HSF5: variants seen among roughly 807,000 people sequenced by gnomAD.
The protein encoded by HSF5 is heat shock factor protein 5.
Under a neutral mutation model 50.8 loss-of-function variants are expected in HSF5, and 5 were observed. That is an observed-to-expected ratio of 0.10 (90% CI 0.05 to 0.21). The LOEUF is 0.21. Ranked by LOEUF, HSF5 falls within the 10% of genes least tolerant of loss-of-function variation. The pLI, the probability that HSF5 is intolerant of heterozygous loss-of-function variation, is 1.00. For synonymous variants in HSF5, 307 were observed against 307.4 expected (o/e 1.00, Z 0.02); for missense variants, 564 against 762.6 (o/e 0.74, Z 3.07).
Position 58,428,387 on chromosome 17 carries a change from C to T in HSF5, c.1721-5957G>A, listed in dbSNP as rs191378844. On this transcript the variant is annotated intron_variant, in intron 5 of 5. Transcript: ENST00000323777. The stretch of plus-strand genomic sequence containing the variant: ...TCAAAACCACAATGAAGGCCAGGCG[C>T]GGTGGCTCACGTCTGTAATCCCAAC... Among the ~76,000 whole-genome samples the T allele has an allele frequency of 5.3e-5, 8 of 152,198 alleles. 1 individual carries two copies. In the East Asian group the frequency reaches 1.5e-3, roughly 29 times the overall value.
intron 5 of HSF5, among the ~76,000 whole-genome samples, chr17:58,447,739 CTT>C (rs1377750405): frequency 2.0e-5 from 3 of 152,168 alleles, no homozygotes; most frequent in Non-Finnish European, 4.4e-5. Flanking sequence ...AGGCAGTCCT[CTT>C]TGAATTTCTG....
At chr17:58,477,554 G>A (rs1975033743) in intron 2 of HSF5, among the ~76,000 whole-genome samples, 1 of 151,744 alleles carries the variant, frequency 6.6e-6, no homozygotes, top group South Asian at 2.1e-4. Context: ...CCGCTTCCTG[G>A]GTTCACGCCA....
At chr17:58,463,371 A>C in intron 3 of HSF5, 68 bp from the exon 4 acceptor site, 2 of 1,288,970 alleles carry the variant, frequency 1.6e-6, no homozygotes, top group South Asian at 1.4e-5. Context: ...GAAAGCTACA[A>C]TATTTAGGCT....
intron 5 of HSF5, among the ~76,000 whole-genome samples, chr17:58,451,540 G>C (rs1974641869): frequency 6.6e-6 from 1 of 152,024 alleles, no homozygotes; most frequent in African/African-American, 2.4e-5. Context: ...GAAGAACTTT[G>C]GAAACTGTTC....
intron 2 of HSF5, among the ~76,000 whole-genome samples, chr17:58,479,428 G>C (rs1975069295): frequency 6.6e-6 from 1 of 151,994 alleles, no homozygotes; most frequent in African/African-American, 2.4e-5. Context: ...TCAGCCTCCT[G>C]AGTAGCTGGG....
intron 5 of HSF5, among the ~76,000 whole-genome samples, chr17:58,431,494 C>T (rs1046105306): frequency 1.3e-5 from 2 of 152,154 alleles, no homozygotes; most frequent in Non-Finnish European, 1.5e-5. Context: ...TACAATCTTA[C>T]GGGACCACTG....
In HSF5 at chr17:58,456,161, G is replaced by A. The variant is rs1181625755; in HGVS notation, c.1720+2607C>T. 5.6e-5 allele frequency among the ~76,000 whole-genome samples: 6 copies of A among 107,898 alleles called. No homozygotes were observed. In the East Asian group the frequency reaches 1.1e-3, roughly 19 times the overall value. The allele number at this position is 107,898 out of a possible 152,430, so 70.8% of individuals were successfully genotyped here. A position where few individuals can be genotyped will look rare whatever the true frequency, so the allele number is the denominator to read the frequency against. ...TGTGTATATATATATATGTGTGTGT[G>A]TATATACACACACACACACACACAC... On this transcript the variant is annotated intron_variant, in intron 5 of 5. Transcript: ENST00000323777.
intron 1 of HSF5, among the ~76,000 whole-genome samples, chr17:58,486,566 T>G (rs898614890): frequency 6.6e-6 from 1 of 152,204 alleles, no homozygotes; most frequent in African/African-American, 2.4e-5. Context: ...GAAAACCATC[T>G]TTGCCTTATG....
chr17:58,444,707 G>A (rs1203137841), intron 5 of HSF5, among the ~76,000 whole-genome samples: 1 of 152,008 alleles, frequency 6.6e-6, no homozygotes, highest in Non-Finnish European at 1.5e-5. Context: ...AAAGCACAAG[G>A]AAAAGAAAAA....
intron 5 of HSF5, among the ~76,000 whole-genome samples, chr17:58,425,268 C>T (rs1489931912): frequency 1.3e-5 from 2 of 151,962 alleles, no homozygotes; most frequent in East Asian, 3.9e-4. Flanking sequence ...CGTGGTGGCA[C>T]ATGCCTGTAA....
chr17:58,450,921 T>C (rs1051689719), intron 5 of HSF5, among the ~76,000 whole-genome samples: 1 of 151,086 alleles, frequency 6.6e-6, no homozygotes, highest in Non-Finnish European at 1.5e-5. Flanking sequence ...AAATCCTGTC[T>C]CTACTAAAAA....
chr17:58,450,778 T>G (rs1244510886), intron 5 of HSF5, among the ~76,000 whole-genome samples: 1 of 147,178 alleles, frequency 6.8e-6, no homozygotes, highest in Non-Finnish European at 1.5e-5. Context: ...GGACTTTAAT[T>G]AAAACCAATA....
intron 5 of HSF5, among the ~76,000 whole-genome samples, chr17:58,422,915 C>T (rs1302181631): frequency 2.0e-5 from 3 of 152,014 alleles, no homozygotes; most frequent in Admixed American, 6.5e-5. Flanking sequence ...AGGCTGGTCT[C>T]GAACTCCTAA....
At chr17:58,470,863 T>C (rs1010195889) in intron 2 of HSF5, among the ~76,000 whole-genome samples, 1 of 152,096 alleles carries the variant, frequency 6.6e-6, no homozygotes, top group Admixed American at 6.5e-5. Context: ...GAGGCAGAGG[T>C]TGCAGTCAGC....
chr17:58,429,252 A>T lies in HSF5; in HGVS notation c.1721-6822T>A, dbSNP rs1226747472. On this transcript the variant is annotated intron_variant, in intron 5 of 5. Coordinates refer to ENST00000323777, the MANE Select transcript of HSF5 (RefSeq NM_001080439.3). ...TTGCCAGGGGCTGGGGAAAGGTGGGAATATGGAACAACTGTTTAATGGTTA... is the reference window on the plus strand; with the variant it reads ...TTGCCAGGGGCTGGGGAAAGGTGGGTATATGGAACAACTGTTTAATGGTTA... Among the ~76,000 whole-genome samples, 12 of 152,370 alleles carry T rather than the reference A, an allele frequency of 7.9e-5. No homozygotes were observed. The South Asian group carries it at 1.2e-3, about 16-fold the overall frequency.
At chr17:58,484,051 T>C (rs913775575) in intron 1 of HSF5, among the ~76,000 whole-genome samples, 7 of 152,198 alleles carry the variant, frequency 4.6e-5, no homozygotes, top group African/African-American at 1.7e-4. Context: ...TTGAATAACT[T>C]TGCTAAATTA....
At position 58,480,762 on chromosome 17, in the gene HSF5, GCTATCTATCTAT is replaced by G. The variant is rs59278255; in HGVS notation, c.551-507_551-496del. Among the ~76,000 whole-genome samples the G allele has an allele frequency of 7.3e-3, 1,074 of 146,486 alleles. 13 individuals carry two copies. Among genetic ancestry groups the G allele is most frequent in the African/African-American group, 0.024 (964 of 39,420 alleles). Reference sequence around the variant, plus strand: ...GATAAAAAAAAAAGTAACGCTCTTTGCTATCTATCTATCTATCTATCTATCTATCTATCTATC... The same window carrying G: ...GATAAAAAAAAAAGTAACGCTCTTTGCTATCTATCTATCTATCTATCTATC... On this transcript the variant is annotated intron_variant, in intron 1 of 5. Transcript: ENST00000323777.
At chr17:58,459,483 C>T (rs1378205151) in intron 4 of HSF5, among the ~76,000 whole-genome samples, 2 of 151,572 alleles carry the variant, frequency 1.3e-5, no homozygotes, top group East Asian at 3.9e-4. Flanking sequence ...CTGTCTCTAC[C>T]AAAAATACAA....
At chr17:58,445,085 TC>T (rs1974541872) in intron 5 of HSF5, among the ~76,000 whole-genome samples, 1 of 152,190 alleles carries the variant, frequency 6.6e-6, no homozygotes, top group African/African-American at 2.4e-5. Flanking sequence ...ACAGAAGCCT[TC>T]CTTAAAAAAA....
Sources: gnomAD v4.1 joint callset for allele counts (sites outside exome capture counted in the v4.1 genomes callset) on GRCh38, gnomAD v4.1.1 for gene constraint, MANE v1.5 for transcripts, NCBI Gene and HGNC (gene_info 2026-07-23, HGNC 2026-07-21) for gene names.